Variants in PRDM16 observed in about 807,000 individuals in gnomAD.
PRDM16 encodes PR/SET domain 16, also known as histone-lysine N-methyltransferase PRDM16.
Under a neutral mutation model 110.6 loss-of-function variants are expected in PRDM16, and 23 were observed. The ratio of observed to expected loss-of-function variants is 0.21; its 90% CI spans 0.15 to 0.29. The LOEUF (loss-of-function observed/expected upper bound fraction) is 0.29. Among genes scored for constraint, PRDM16 ranks in the 10% least tolerant of loss-of-function variants. The probability of loss-of-function intolerance (pLI) is 1.00; values close to 1 mark genes in which losing one functional copy is unlikely to be tolerated. For missense variants in PRDM16, 1,615 were observed against 1,794.3 expected, an observed-to-expected ratio of 0.90 and a Z score of 1.81; for synonymous variants, 799 against 781.8, an observed-to-expected ratio of 1.02 and a Z score of -0.37.
intron 6 of PRDM16, among the ~76,000 whole-genome samples, chr1:3,404,038 A>G (rs769508871): frequency 6.6e-6 from 1 of 152,228 alleles, no homozygotes; most frequent in Non-Finnish European, 1.5e-5. Flanking sequence ...CAACGGGGGA[A>G]AAGATACAGT....
At chr1:3,352,368 T>C (rs1642511968) in intron 3 of PRDM16, among the ~76,000 whole-genome samples, 1 of 152,152 alleles carries the variant, frequency 6.6e-6, no homozygotes, top group Admixed American at 6.5e-5. Context: ...TTAATTGTTT[T>C]TCTCCCCCCA....
intron 3 of PRDM16, among the ~76,000 whole-genome samples, chr1:3,334,773 C>T (rs79829486): frequency 0.061 from 9,322 of 152,264 alleles, 337 homozygotes; most frequent in Middle Eastern, 0.085. Flanking sequence ...AAGTGCTCGC[C>T]GGGAACAGAG....
chr1:3,403,499 C>G (rs925561170), intron 6 of PRDM16, among the ~76,000 whole-genome samples: 28 of 152,218 alleles, frequency 1.8e-4, no homozygotes, highest in Non-Finnish European at 3.1e-4. Context: ...AGGCAAGAGC[C>G]AGAAGGGGTC....
chr1:3,175,983 GCAGC>G lies in PRDM16; in HGVS notation c.38-10115_38-10112del, dbSNP rs77977474. On this transcript the variant is annotated intron_variant, in intron 1 of 16. Transcript: ENST00000270722. This position sits in a 1 kb window ranked among gnomAD's most constrained non-coding sequence, Gnocchi z 4.8. ...TCCACTCACTCACCCATCCATCCAT[GCAGC>G]CAGCCAGCCAGCCAGCCAGCCAGCC... Among the ~76,000 whole-genome samples the G allele has an allele frequency of 7.9e-4, 99 of 125,038 alleles. No individual in the cohort carries two copies. Among genetic ancestry groups the G allele is most frequent in the Admixed American group, 3.1e-3 (38 of 12,342 alleles). The allele number at this position is 125,038 out of a possible 152,430, so 82.0% of individuals were successfully genotyped here. A position where few individuals can be genotyped will look rare whatever the true frequency, so the allele number is the denominator to read the frequency against.
rs1372004434 is a variant in PRDM16, at chr1:3,181,773, TAC to T, written c.38-4348_38-4347del. Among the ~76,000 whole-genome samples, 106 of 135,938 alleles carry T rather than the reference TAC, an allele frequency of 7.8e-4. 1 individual carries two copies. The highest frequency in any genetic ancestry group is 2.8e-3 in the African/African-American group (93 of 33,534). 89.2% of individuals were successfully genotyped at this position (135,938 alleles called of 152,430 possible). ...TTACACACGGTCTTACACACAGTCTTACACATGCAGTCTTACACATGCAGTCT... is the reference window on the plus strand; with the variant it reads ...TTACACACGGTCTTACACACAGTCTTACATGCAGTCTTACACATGCAGTCT... On this transcript the variant is annotated intron_variant, in intron 1 of 16. Coordinates refer to ENST00000270722, the MANE Select transcript of PRDM16 (RefSeq NM_022114.4).
At chr1:3,321,847 T>C (rs1312040181) in intron 3 of PRDM16, among the ~76,000 whole-genome samples, 1 of 151,092 alleles carries the variant, frequency 6.6e-6, no homozygotes, top group Non-Finnish European at 1.5e-5. Flanking sequence ...TGTGTGTGGG[T>C]CCGTGTGTGA....
At chr1:3,325,620 C>A (rs1641871025) in intron 3 of PRDM16, among the ~76,000 whole-genome samples, 1 of 152,244 alleles carries the variant, frequency 6.6e-6, no homozygotes, top group South Asian at 2.1e-4. Flanking sequence ...TGTGTGCTCT[C>A]ACAGTTCTAC....
chr1:3,124,210 TCAGCC>T lies in PRDM16; in HGVS notation c.37+54920_37+54924del, dbSNP rs550442331. On this transcript the variant is annotated intron_variant, in intron 1 of 16. Transcript: ENST00000270722. ...GGGGGTCCTGTCCTCGTACCCTGGCTCAGCCCAGCCTGGGCCCTGAGCTGGAGGCC... is the reference window on the plus strand; with the variant it reads ...GGGGGTCCTGTCCTCGTACCCTGGCTCAGCCTGGGCCCTGAGCTGGAGGCC... 1.1e-4 allele frequency among the ~76,000 whole-genome samples: 16 copies of T among 152,220 alleles called. No homozygotes were observed. In the South Asian group the frequency reaches 3.3e-3, roughly 32 times the overall value.
At chr1:3,336,300 G>A (rs1642144348) in intron 3 of PRDM16, among the ~76,000 whole-genome samples, 1 of 152,224 alleles carries the variant, frequency 6.6e-6, no homozygotes. Flanking sequence ...GAGCACGTGT[G>A]TGTCTGTGGC....
At chr1:3,195,569 A>G (rs569110624) in intron 2 of PRDM16, among the ~76,000 whole-genome samples, 1 of 152,012 alleles carries the variant, frequency 6.6e-6, no homozygotes, top group African/African-American at 2.4e-5. Flanking sequence ...TATTTTGCCA[A>G]TCGCATCCCA....
At chr1:3,281,093 G>A (rs1640702901) in intron 3 of PRDM16, among the ~76,000 whole-genome samples, 1 of 152,236 alleles carries the variant, frequency 6.6e-6, no homozygotes, top group Non-Finnish European at 1.5e-5. Context: ...TGTCTCAAAA[G>A]TGGGGCCATT....
chr1:3,420,583 C>T (rs1250073164), intron 12 of PRDM16, among the ~76,000 whole-genome samples: 2 of 152,188 alleles, frequency 1.3e-5, no homozygotes, highest in East Asian at 3.8e-4. Flanking sequence ...CCTCAGATGA[C>T]CTGAAATCGT....
At chr1:3,095,729 G>A (rs1642382180) in intron 1 of PRDM16, among the ~76,000 whole-genome samples, 1 of 152,134 alleles carries the variant, frequency 6.6e-6, no homozygotes, top group Admixed American at 6.5e-5. Flanking sequence ...GGTAGGATTT[G>A]AGGGGGGCAG....
chr1:3,195,123 A>T (rs902271916), intron 2 of PRDM16, among the ~76,000 whole-genome samples: 1 of 152,136 alleles, frequency 6.6e-6, no homozygotes, highest in African/African-American at 2.4e-5. Context: ...TTGGAGAGAG[A>T]CGGGGCCCTG....
chr1:3,225,861 T>A (rs571003602), intron 2 of PRDM16, among the ~76,000 whole-genome samples: 2 of 152,294 alleles, frequency 1.3e-5, no homozygotes, highest in Admixed American at 6.5e-5. Flanking sequence ...CAGCCAGATG[T>A]GTGGGCACCG....
chr1:3,383,179 G>A (rs554649244), intron 3 of PRDM16, among the ~76,000 whole-genome samples: 86 of 152,328 alleles, frequency 5.6e-4, no homozygotes, highest in Admixed American at 1.4e-3. Context: ...CATTTCTGCC[G>A]CTGCCGTCTC....
intron 2 of PRDM16, among the ~76,000 whole-genome samples, chr1:3,197,078 C>T (rs1421162467): frequency 6.6e-6 from 1 of 152,194 alleles, no homozygotes; most frequent in Non-Finnish European, 1.5e-5. Flanking sequence ...CCGAGGCTGA[C>T]CAGCCACGCG....
intron 1 of PRDM16, among the ~76,000 whole-genome samples, chr1:3,109,292 C>T (rs1408844946): frequency 6.6e-6 from 1 of 152,076 alleles, no homozygotes; most frequent in African/African-American, 2.4e-5. Flanking sequence ...TCGACTGGAC[C>T]AAATGCCGTG....
At chr1:3,259,674 C>G (rs918910746) in intron 3 of PRDM16, among the ~76,000 whole-genome samples, 3 of 152,208 alleles carry the variant, frequency 2.0e-5, no homozygotes, top group Non-Finnish European at 2.9e-5. Flanking sequence ...GCAGCGTAGC[C>G]TGCAGCCCCG....
Sources: gnomAD v4.1 joint callset for allele counts (sites outside exome capture counted in the v4.1 genomes callset) on GRCh38, gnomAD v4.1.1 for gene constraint, Gnocchi (gnomAD v3.1) non-coding constraint, MANE v1.5 for transcripts, NCBI Gene and HGNC (gene_info 2026-07-23, HGNC 2026-07-21) for gene names.